GAS7: variants seen among roughly 807,000 people sequenced by gnomAD.
The protein encoded by GAS7 is growth arrest specific 7.
A neutral mutation model predicts 71.1 loss-of-function variants in GAS7; 28 were observed. The observed-to-expected ratio is 0.39, with a 90% CI of 0.29 to 0.54. The LOEUF is 0.54. Among genes scored for constraint, GAS7 ranks in the 20% least tolerant of loss-of-function variants. GAS7 has a pLI of 0.62. For missense variants in GAS7, 436 were observed against 627.8 expected (o/e 0.69, Z 3.27); for synonymous variants, 258 against 245.8 (o/e 1.05, Z -0.46).
intron 1 of GAS7, among the ~76,000 whole-genome samples, chr17:10,126,336 A>G (rs1180585286): frequency 6.7e-6 from 1 of 150,348 alleles, no homozygotes; most frequent in African/African-American, 2.4e-5. Context: ...ACACGCTCAC[A>G]CACACACTCA....
At chr17:10,150,057 T>C (rs1307685078) in intron 1 of GAS7, among the ~76,000 whole-genome samples, 3 of 152,202 alleles carry the variant, frequency 2.0e-5, no homozygotes, top group Non-Finnish European at 4.4e-5. Context: ...ACAGTGAATA[T>C]ACTATAAACC....
At chr17:10,049,074 GTC>G (rs1479759492) in intron 1 of GAS7, among the ~76,000 whole-genome samples, 1 of 152,196 alleles carries the variant, frequency 6.6e-6, no homozygotes, top group Non-Finnish European at 1.5e-5. Context: ...TTCCCTTTCT[GTC>G]CAGGCGCATA....
chr17:10,172,470 A>G (rs1390269166), intron 1 of GAS7, among the ~76,000 whole-genome samples: 1 of 152,266 alleles, frequency 6.6e-6, no homozygotes, highest in African/African-American at 2.4e-5. Context: ...AAAGGAAAAC[A>G]GAATTCAAAT....
chr17:10,133,254 C>T (rs1036986400), intron 1 of GAS7, among the ~76,000 whole-genome samples: 2 of 151,836 alleles, frequency 1.3e-5, no homozygotes, highest in African/African-American at 4.8e-5. Flanking sequence ...TCCCAAGTAG[C>T]CAGGATTATA....
At chr17:9,989,559 T>G (rs1048016712) in intron 2 of GAS7, among the ~76,000 whole-genome samples, 4 of 152,080 alleles carry the variant, frequency 2.6e-5, no homozygotes, top group African/African-American at 9.7e-5. Context: ...ACTTAAAAAT[T>G]TTCTAATGGG....
chr17:9,987,247 A>G (rs1338689575), intron 2 of GAS7, among the ~76,000 whole-genome samples: 1 of 152,266 alleles, frequency 6.6e-6, no homozygotes, highest in Non-Finnish European at 1.5e-5. Flanking sequence ...CAGTGCGGTC[A>G]GAGTGGAAGA....
At chr17:10,163,944 G>C (rs1216022803) in intron 1 of GAS7, among the ~76,000 whole-genome samples, 1 of 152,126 alleles carries the variant, frequency 6.6e-6, no homozygotes, top group Admixed American at 6.5e-5. Flanking sequence ...ACACTGTCTG[G>C]TGCAAAGAAA....
At chr17:10,189,815 T>G (rs952581808) in intron 1 of GAS7, among the ~76,000 whole-genome samples, 3 of 151,926 alleles carry the variant, frequency 2.0e-5, no homozygotes. Context: ...GGCGGGTGCC[T>G]ATAGTCCCAA....
At position 10,088,204 on chromosome 17, in the gene GAS7, G is replaced by A. The variant is rs148688368; in HGVS notation, c.184-68307C>T. Among the ~76,000 whole-genome samples the A allele has an allele frequency of 2.3e-3, 326 of 142,532 alleles. 1 individual carries two copies. Among genetic ancestry groups the A allele is most frequent in the African/African-American group, 8.0e-3 (301 of 37,822 alleles). 93.5% of individuals were successfully genotyped at this position (142,532 alleles called of 152,430 possible). A position where few individuals can be genotyped will look rare whatever the true frequency, so the allele number is the denominator to read the frequency against. ...CCACTGCACTCCAGCCGGGGCAACA[G>A]AGCGAGACTCTATCTCAATAATAAT... On this transcript the variant is annotated intron_variant, in intron 1 of 13. Transcript: ENST00000432992.
intron 2 of GAS7, among the ~76,000 whole-genome samples, chr17:10,011,264 G>A (rs1206764468): frequency 1.3e-5 from 2 of 152,122 alleles, no homozygotes; most frequent in South Asian, 2.1e-4. Flanking sequence ...CCACTGCCTT[G>A]GGCTTGGATG....
intron 1 of GAS7, among the ~76,000 whole-genome samples, chr17:10,035,677 C>T (rs1165327554): frequency 6.6e-6 from 1 of 152,132 alleles, no homozygotes; most frequent in African/African-American, 2.4e-5. Flanking sequence ...GAGTGATCAC[C>T]ACTCTCTTGG....
At chr17:10,027,299 A>T (rs58237885) in intron 1 of GAS7, among the ~76,000 whole-genome samples, 22,480 of 152,286 alleles carry the variant, frequency 0.15, 1,774 homozygotes, top group African/African-American at 0.2. Flanking sequence ...ACTAGGCTTC[A>T]GAAATATTTG....
intron 11 of GAS7, among the ~76,000 whole-genome samples, chr17:9,921,606 G>C (rs1158824324): frequency 1.3e-5 from 2 of 152,168 alleles, no homozygotes; most frequent in African/African-American, 4.8e-5. Flanking sequence ...GGCAGCCCAA[G>C]AGCTTGAAAT....
intron 1 of GAS7, among the ~76,000 whole-genome samples, chr17:10,141,957 A>G (rs921664245): frequency 2.4e-4 from 35 of 146,522 alleles, no homozygotes; most frequent in African/African-American, 6.3e-4. Flanking sequence ...GGCCGGGCGC[A>G]ATGGCTCACG....
At chr17:10,005,654 A>G (rs566396415) in intron 2 of GAS7, among the ~76,000 whole-genome samples, 5 of 152,278 alleles carry the variant, frequency 3.3e-5, no homozygotes, top group Admixed American at 1.3e-4. Flanking sequence ...TTCAATGTTG[A>G]AAACTAACAA....
intron 1 of GAS7, among the ~76,000 whole-genome samples, chr17:10,121,922 T>C (rs992463615): frequency 6.6e-6 from 1 of 151,750 alleles, no homozygotes; most frequent in Non-Finnish European, 1.5e-5. Context: ...CTGAGACCAG[T>C]TCTCATGGGG....
intron 1 of GAS7, among the ~76,000 whole-genome samples, chr17:10,092,849 C>T (rs531122383): frequency 1.3e-5 from 2 of 152,320 alleles, no homozygotes; most frequent in Admixed American, 1.3e-4. Flanking sequence ...ATCACCTTCT[C>T]CTCTGTATGT....
Position 9,974,334 on chromosome 17 carries a change from A to T in GAS7, c.386-4572T>A, listed in dbSNP as rs925968727. On this transcript the variant is annotated intron_variant, in intron 3 of 13. Transcript: ENST00000432992. The surrounding 1 kb of genome is among the most constrained non-coding windows in gnomAD (Gnocchi z 4.0). ...AGCCCACAAGATCCTGGCAACCCTC[A>T]CCCACGGCATTCCTCATTGCTATTC... Among the ~76,000 whole-genome samples, 1 of 151,940 alleles carries T rather than the reference A, an allele frequency of 6.6e-6. No homozygotes were observed. The highest frequency in any genetic ancestry group is 2.4e-5 in the African/African-American group (1 of 41,354).
intron 1 of GAS7, among the ~76,000 whole-genome samples, chr17:10,123,330 T>A (rs1349520026): frequency 6.6e-6 from 1 of 152,182 alleles, no homozygotes; most frequent in African/African-American, 2.4e-5. Flanking sequence ...TGCAGCTCCA[T>A]CCAACAAGTT....
Sources: allele counts gnomAD v4.1 joint callset (sites outside exome capture counted in the v4.1 genomes callset), GRCh38; gene constraint gnomAD v4.1.1; non-coding constraint Gnocchi (gnomAD v3.1); transcripts MANE v1.5; gene names NCBI Gene and HGNC (gene_info 2026-07-23, HGNC 2026-07-21).